The following PDE4D variants were observed in gnomAD, a reference collection of about 807,000 sequenced individuals.
PDE4D encodes the protein phosphodiesterase 4D.
Under a neutral mutation model 87.4 loss-of-function variants are expected in PDE4D, and 24 were observed. The observed-to-expected ratio is 0.27, with a 90% confidence interval of 0.20 to 0.39. The LOEUF (loss-of-function observed/expected upper bound fraction) is 0.39. Ranked by LOEUF, PDE4D falls within the 10% of genes least tolerant of loss-of-function variation. PDE4D has a pLI of 1.00. For synonymous variants in PDE4D, 384 were observed against 383.2 expected (o/e 1.00, Z -0.02); for missense variants, 714 against 1,041.0 (o/e 0.69, Z 4.32).
intron 1 of PDE4D, among the ~76,000 whole-genome samples, chr5:59,300,837 C>T (rs1770092354): frequency 6.6e-6 from 1 of 152,198 alleles, no homozygotes; most frequent in Non-Finnish European, 1.5e-5. Context: ...TCTGGAGCTT[C>T]TAACCGGCCA....
At chr5:59,538,863 G>C (rs1316154263) in intron 1 of PDE4D, among the ~76,000 whole-genome samples, 1 of 152,102 alleles carries the variant, frequency 6.6e-6, no homozygotes, top group Non-Finnish European at 1.5e-5. Flanking sequence ...TGCACATTCA[G>C]TAATGTGGTA....
intron 1 of PDE4D, among the ~76,000 whole-genome samples, chr5:59,502,725 TC>T (rs1808532611): frequency 6.6e-6 from 1 of 151,640 alleles, no homozygotes; most frequent in Non-Finnish European, 1.5e-5. Flanking sequence ...TTGTTTTATC[TC>T]TTTTTTTGTA....
chr5:59,801,386 C>T (rs528501832), intron 1 of PDE4D, among the ~76,000 whole-genome samples: 1 of 152,194 alleles, frequency 6.6e-6, no homozygotes, highest in Non-Finnish European at 1.5e-5. Flanking sequence ...ATTAGACTTA[C>T]TGACACCATC....
At chr5:60,263,123 T>C (rs1158477660) in intron 1 of PDE4D, among the ~76,000 whole-genome samples, 1 of 152,188 alleles carries the variant, frequency 6.6e-6, no homozygotes, top group Non-Finnish European at 1.5e-5. Flanking sequence ...CGCCCACCTG[T>C]GCTGCACCAA....
intron 1 of PDE4D, among the ~76,000 whole-genome samples, chr5:60,415,910 G>A (rs564239720): frequency 1.8e-4 from 28 of 152,358 alleles, no homozygotes; most frequent in African/African-American, 6.5e-4. Context: ...GAATCTTTAT[G>A]TCTAGCTAAG....
At chr5:60,519,711 A>G (rs1750952936) in intron 1 of PDE4D, among the ~76,000 whole-genome samples, 1 of 152,242 alleles carries the variant, frequency 6.6e-6, no homozygotes, top group Admixed American at 6.5e-5. Context: ...GTGCCTTTGG[A>G]GGAGGCTTTT....
intron 1 of PDE4D, among the ~76,000 whole-genome samples, chr5:59,792,541 G>A (rs1257614941): frequency 1.3e-5 from 2 of 152,040 alleles, no homozygotes; most frequent in Admixed American, 6.6e-5. Flanking sequence ...ATGTATTTGG[G>A]GGATTATGGA....
chr5:60,354,083 CTAAG>C (rs1380410773), intron 1 of PDE4D, among the ~76,000 whole-genome samples: 12 of 152,138 alleles, frequency 7.9e-5, no homozygotes, highest in African/African-American at 2.6e-4. Flanking sequence ...CATCTATGAA[CTAAG>C]TGACAGAAAT....
chr5:60,130,891 T>C (rs377543799), intron 2 of PDE4D, among the ~76,000 whole-genome samples: 21 of 152,362 alleles, frequency 1.4e-4, no homozygotes, highest in Admixed American at 1.0e-3. Context: ...TTAAGACTTA[T>C]ATGACTTGTC....
At chr5:59,553,765 T>C (rs1052011000) in intron 1 of PDE4D, among the ~76,000 whole-genome samples, 1 of 152,016 alleles carries the variant, frequency 6.6e-6, no homozygotes, top group African/African-American at 2.4e-5. Flanking sequence ...ATACTTAATA[T>C]TTTAGGAACG....
At position 59,543,690 on chromosome 5, in the gene PDE4D, G is replaced by A. The variant is rs75410303; in HGVS notation, c.456-327722C>T. On this transcript the variant is annotated intron_variant, in intron 1 of 14. Coordinates refer to ENST00000340635, the MANE Select transcript of PDE4D (RefSeq NM_001104631.2). Reference sequence around the variant, plus strand: ...AGTCAATGTGTCTCCTGGCTGCTTGGCTATGTTCCCATCCGTCTGGATGGA... The same window carrying A: ...AGTCAATGTGTCTCCTGGCTGCTTGACTATGTTCCCATCCGTCTGGATGGA... Among the ~76,000 whole-genome samples, 531 of 152,156 alleles carry A rather than the reference G, an allele frequency of 3.5e-3. 3 individuals carry two copies. The highest frequency in any genetic ancestry group is 0.012 in the African/African-American group (488 of 41,510).
At chr5:60,422,168 C>T (rs1001163474) in intron 1 of PDE4D, among the ~76,000 whole-genome samples, 3 of 152,142 alleles carry the variant, frequency 2.0e-5, no homozygotes, top group Admixed American at 6.6e-5. Flanking sequence ...GGCAGGCCAA[C>T]ATTCAAATTC....
At chr5:59,617,575 G>A (rs568207220) in intron 1 of PDE4D, among the ~76,000 whole-genome samples, 10 of 152,158 alleles carry the variant, frequency 6.6e-5, no homozygotes, top group Admixed American at 6.6e-5. Context: ...TGTGCCTCAC[G>A]CCTTTATAAA....
intron 1 of PDE4D, among the ~76,000 whole-genome samples, chr5:60,380,949 T>A (rs752241263): frequency 2.0e-5 from 3 of 152,196 alleles, no homozygotes; most frequent in Admixed American, 1.3e-4. Context: ...TTTTCGTGCA[T>A]GTGTAGTAAG....
At chr5:60,389,146 T>A (rs115251593) in intron 1 of PDE4D, among the ~76,000 whole-genome samples, 1 of 152,142 alleles carries the variant, frequency 6.6e-6, no homozygotes, top group African/African-American at 2.4e-5. Context: ...TGGAATAAAA[T>A]ACAAGTCTAA....
intron 1 of PDE4D, among the ~76,000 whole-genome samples, chr5:60,263,973 T>C (rs752883528): frequency 1.9e-4 from 29 of 151,510 alleles, no homozygotes; most frequent in African/African-American, 6.8e-4. Context: ...CCAGTGACAC[T>C]ACATGTGAAA....
intron 1 of PDE4D, among the ~76,000 whole-genome samples, chr5:59,320,532 A>G (rs1774531597): frequency 6.6e-6 from 1 of 152,136 alleles, no homozygotes; most frequent in Non-Finnish European, 1.5e-5. Context: ...GTGTACTTAT[A>G]TTTATACTTA....
intron 1 of PDE4D, among the ~76,000 whole-genome samples, chr5:60,220,160 C>A (rs1282223911): frequency 6.6e-6 from 1 of 151,962 alleles, no homozygotes; most frequent in South Asian, 2.1e-4. Flanking sequence ...GCAGTGGGGG[C>A]GGTTTGCTTG....
chr5:59,406,337 C>A (rs989397976), intron 1 of PDE4D, among the ~76,000 whole-genome samples: 4 of 148,308 alleles, frequency 2.7e-5, no homozygotes, highest in Non-Finnish European at 5.9e-5. Flanking sequence ...ATCTAATGAT[C>A]CTTTGAATTT....
Sources: allele counts gnomAD v4.1 joint callset (sites outside exome capture counted in the v4.1 genomes callset), GRCh38; gene constraint gnomAD v4.1.1; transcripts MANE v1.5; gene names NCBI Gene and HGNC (gene_info 2026-07-23, HGNC 2026-07-21).